Variants in CNIH3 observed in about 807,000 individuals in gnomAD.
CNIH3 encodes the protein protein cornichon homolog 3.
Under a neutral mutation model 24.1 loss-of-function variants are expected in CNIH3, and 14 were observed. The observed-to-expected ratio is 0.58, with a 90% CI of 0.38 to 0.91. CNIH3 has a LOEUF of 0.91. Ranked by LOEUF, CNIH3 falls within the 40% of genes least tolerant of loss-of-function variation. The pLI is 0.00. For missense variants in CNIH3, 178 were observed against 196.8 expected, an observed-to-expected ratio of 0.90 and a Z score of 0.57; for synonymous variants, 68 against 73.8, an observed-to-expected ratio of 0.92 and a Z score of 0.40.
At chr1:224,601,026 CAG>C (rs1435590818) in intron 3 of CNIH3, among the ~76,000 whole-genome samples, 1 of 152,180 alleles carries the variant, frequency 6.6e-6, no homozygotes, top group Non-Finnish European at 1.5e-5. Flanking sequence ...AGGCATAAAG[CAG>C]AGTGAGAGAT....
At chr1:224,671,731 A>T (rs10495223) in intron 1 of CNIH3, among the ~76,000 whole-genome samples, 1 of 152,118 alleles carries the variant, frequency 6.6e-6, no homozygotes, top group East Asian at 1.9e-4. Flanking sequence ...ATCTGGCATT[A>T]CACTTTTTAG....
chr1:224,539,743 C>T (rs1275192927), downstream of CNIH3, among the ~76,000 whole-genome samples: 1 of 152,216 alleles, frequency 6.6e-6, no homozygotes, highest in Non-Finnish European at 1.5e-5. Context: ...ACCCACCTCT[C>T]TACCTTTCCC....
At chr1:224,626,199 A>C (rs1683518354) in intron 1 of CNIH3, among the ~76,000 whole-genome samples, 1 of 152,196 alleles carries the variant, frequency 6.6e-6, no homozygotes, top group South Asian at 2.1e-4. Flanking sequence ...ATGAGTAACC[A>C]ACTCAGATCT....
chr1:224,539,088 G>C (rs61509136), downstream of CNIH3, among the ~76,000 whole-genome samples: 1 of 150,922 alleles, frequency 6.6e-6, no homozygotes, highest in Admixed American at 6.6e-5. Flanking sequence ...GGCTAACACA[G>C]ATTTCCAGTG....
chr1:224,667,549 G>A (rs1475901601), intron 1 of CNIH3, among the ~76,000 whole-genome samples: 3 of 152,166 alleles, frequency 2.0e-5, no homozygotes, highest in Non-Finnish European at 2.9e-5. Flanking sequence ...AAAGGCTAAC[G>A]CTTTATATTA....
chr1:224,680,343 C>T (rs722849), intron 1 of CNIH3, among the ~76,000 whole-genome samples: 30,494 of 152,084 alleles, frequency 0.2, 3,486 homozygotes, highest in African/African-American at 0.31. Context: ...CCAGGGATAT[C>T]GGGAAAGTGT....
intron 3 of CNIH3, among the ~76,000 whole-genome samples, chr1:224,603,293 T>C (rs967551393): frequency 2.6e-5 from 4 of 152,234 alleles, no homozygotes; most frequent in African/African-American, 7.2e-5. Flanking sequence ...GTTTCTTGCA[T>C]GACTCAATCA....
At chr1:224,510,840 G>A (rs890826540) in intron 1 of CNIH3, among the ~76,000 whole-genome samples, 5 of 152,100 alleles carry the variant, frequency 3.3e-5, no homozygotes, top group Admixed American at 3.3e-4. Flanking sequence ...CTGGCACTGA[G>A]GTCTGATGGT....
chr1:224,619,601 C>T (rs1283964984), intron 1 of CNIH3, among the ~76,000 whole-genome samples: 1 of 152,138 alleles, frequency 6.6e-6, no homozygotes. Flanking sequence ...CCAGAGACAC[C>T]CTGATTTCAG....
At chr1:224,664,039 T>C (rs1303707533) in intron 1 of CNIH3, among the ~76,000 whole-genome samples, 1 of 152,092 alleles carries the variant, frequency 6.6e-6, no homozygotes, top group Non-Finnish European at 1.5e-5. Context: ...GGAAGAAAGC[T>C]TTATTTGGGT....
At chr1:224,437,922 T>TC (rs1363384235) in intron 1 of CNIH3, among the ~76,000 whole-genome samples, 1 of 151,270 alleles carries the variant, frequency 6.6e-6, no homozygotes, top group Admixed American at 6.6e-5. Context: ...ACTATTTTTT[T>TC]TTTTTTTGGA....
chr1:224,509,821 A>T (rs1209904791), intron 1 of CNIH3, among the ~76,000 whole-genome samples: 2 of 152,142 alleles, frequency 1.3e-5, no homozygotes, highest in Non-Finnish European at 2.9e-5. Context: ...TCCAGGCCTG[A>T]GGAGCAATCC....
At position 224,446,608 on chromosome 1, in the gene CNIH3, C is replaced by T. The variant is rs147020089; in HGVS notation, n.203+11746C>T. ...CAGGGACTTCATCATCAAAGATGAA[C>T]GCCCACATCAGTAGTATTCTTTAGT... On this transcript the variant is annotated intron_variant and non_coding_transcript_variant, in intron 1 of 5. Coordinates refer to the CNIH3 transcript ENST00000471578. Among the ~76,000 whole-genome samples the T allele has an allele frequency of 8.1e-3, 1,227 of 152,204 alleles. 10 individuals carry two copies. The highest frequency in any genetic ancestry group is 0.012 in the Non-Finnish European group (813 of 68,008).
intron 4 of CNIH3, among the ~76,000 whole-genome samples, chr1:224,574,044 T>C (rs1393799479): frequency 6.6e-6 from 1 of 152,154 alleles, no homozygotes; most frequent in Non-Finnish European, 1.5e-5. Flanking sequence ...ATTACACATA[T>C]GAGTCCATTT....
At chr1:224,482,056 G>A (rs990309592) in intron 1 of CNIH3, among the ~76,000 whole-genome samples, 1 of 152,132 alleles carries the variant, frequency 6.6e-6, no homozygotes. Context: ...AGGATACTGC[G>A]GATGTTCATT....
chr1:224,557,904 A>G (rs1680207518), intron 3 of CNIH3, among the ~76,000 whole-genome samples: 1 of 152,270 alleles, frequency 6.6e-6, no homozygotes, highest in Non-Finnish European at 1.5e-5. Flanking sequence ...AGTCATCTGT[A>G]GAAAGTTCTA....
At chr1:224,443,326 C>A (rs1016598650) in intron 1 of CNIH3, among the ~76,000 whole-genome samples, 2 of 152,168 alleles carry the variant, frequency 1.3e-5, no homozygotes, top group African/African-American at 4.8e-5. Context: ...TTGCATCTAT[C>A]TAATGAGGGT....
Position 224,458,626 on chromosome 1 carries a change from C to T in CNIH3, n.203+23764C>T, listed in dbSNP as rs6663522. Among the ~76,000 whole-genome samples the T allele has an allele frequency of 0.28, 42,830 of 152,134 alleles. 7,469 individuals are homozygous for T. Among genetic ancestry groups the T allele is most frequent in the African/African-American group, 0.49 (20,139 of 41,472 alleles). On this transcript the variant is annotated intron_variant and non_coding_transcript_variant, in intron 1 of 5. Transcript: ENST00000471578. The surrounding 1 kb of genome is among the most constrained non-coding windows in gnomAD (Gnocchi z 4.3). ...CTCCTACCACTTTCCTACTACTCCC[C>T]CTAATGATAACATACTGAACTCACT...
intron 3 of CNIH3, among the ~76,000 whole-genome samples, chr1:224,693,224 G>A (rs1687013090): frequency 6.6e-6 from 1 of 152,224 alleles, no homozygotes; most frequent in African/African-American, 2.4e-5. Flanking sequence ...ACCAGAAGTT[G>A]GAGGGGACTT....
Sources: allele counts gnomAD v4.1 joint callset (sites outside exome capture counted in the v4.1 genomes callset), GRCh38; gene constraint gnomAD v4.1.1; non-coding constraint Gnocchi (gnomAD v3.1); transcripts MANE v1.5; gene names NCBI Gene and HGNC (gene_info 2026-07-23, HGNC 2026-07-21).